The following CNTN5 variants were observed in gnomAD, a reference collection of about 807,000 sequenced individuals.
The protein encoded by CNTN5 is contactin-5.
In CNTN5, 77 loss-of-function variants were observed where a neutral mutation model predicts 129.1. That is an observed-to-expected ratio of 0.60 (90% CI 0.50 to 0.72). CNTN5 has a LOEUF of 0.72. Ranked by LOEUF, CNTN5 falls within the 30% of genes least tolerant of loss-of-function variation. The probability of loss-of-function intolerance (pLI) is 0.00; values close to 1 mark genes in which losing one functional copy is unlikely to be tolerated. For synonymous variants in CNTN5, 509 were observed against 465.6 expected (o/e 1.09, Z -1.20); for missense variants, 1,478 against 1,328.8 (o/e 1.11, Z -1.75).
intron 24 of CNTN5, among the ~76,000 whole-genome samples, chr11:100,354,368 ATCAG>A (rs941166821): frequency 1.3e-5 from 2 of 151,570 alleles, no homozygotes; most frequent in African/African-American, 4.8e-5. Flanking sequence ...TCAACCTTGG[ATCAG>A]TCAGTTTAAT....
intron 16 of CNTN5, among the ~76,000 whole-genome samples, chr11:100,234,465 TA>T (rs916516805): frequency 2.6e-5 from 4 of 151,818 alleles, no homozygotes; most frequent in Non-Finnish European, 5.9e-5. Context: ...TATACAGCCG[TA>T]AAAAAAGATG....
chr11:99,351,025 G>A (rs1280634280), intron 2 of CNTN5, among the ~76,000 whole-genome samples: 1 of 152,004 alleles, frequency 6.6e-6, no homozygotes, highest in Non-Finnish European at 1.5e-5. Context: ...TGTGGGGGTG[G>A]GGGCCTAGGG....
At chr11:99,180,487 A>G (rs1015832794) in intron 1 of CNTN5, among the ~76,000 whole-genome samples, 1 of 152,196 alleles carries the variant, frequency 6.6e-6, no homozygotes, top group Non-Finnish European at 1.5e-5. Context: ...AAGGAACACA[A>G]AAAGGTCAAC....
At chr11:99,107,205 A>G (rs983220071) in intron 1 of CNTN5, among the ~76,000 whole-genome samples, 2 of 152,192 alleles carry the variant, frequency 1.3e-5, no homozygotes, top group African/African-American at 4.8e-5. Context: ...GAAGAGAAAT[A>G]TGTTACAACC....
intron 13 of CNTN5, among the ~76,000 whole-genome samples, chr11:100,135,133 C>A (rs1451036943): frequency 6.6e-6 from 1 of 150,502 alleles, no homozygotes; most frequent in African/African-American, 2.4e-5. Context: ...CATTTACATT[C>A]CTGTTTGGAT....
At chr11:99,321,761 C>T (rs992677286) in intron 1 of CNTN5, among the ~76,000 whole-genome samples, 4 of 152,128 alleles carry the variant, frequency 2.6e-5, no homozygotes, top group African/African-American at 9.7e-5. Flanking sequence ...AGTGGGTGAT[C>T]TCAGTGTAGC....
intron 3 of CNTN5, among the ~76,000 whole-genome samples, chr11:99,567,096 T>C (rs1178790718): frequency 6.6e-6 from 1 of 152,172 alleles, no homozygotes; most frequent in East Asian, 1.9e-4. Context: ...GTAAAGTATT[T>C]TTTTCTTCTC....
intron 3 of CNTN5, among the ~76,000 whole-genome samples, chr11:99,565,222 C>T (rs552683325): frequency 2.0e-5 from 3 of 152,228 alleles, no homozygotes; most frequent in South Asian, 4.1e-4. Flanking sequence ...CCACCTTTCC[C>T]TTGTTTCTCT....
intron 13 of CNTN5, among the ~76,000 whole-genome samples, chr11:100,162,039 A>G (rs1236549876): frequency 3.3e-5 from 5 of 151,732 alleles, no homozygotes; most frequent in Non-Finnish European, 7.4e-5. Flanking sequence ...AGCAGGAGAC[A>G]GCCATTCATT....
intron 21 of CNTN5, among the ~76,000 whole-genome samples, chr11:100,327,719 G>A (rs539285221): frequency 5.7e-4 from 86 of 152,082 alleles, no homozygotes; most frequent in Non-Finnish European, 1.1e-3. Flanking sequence ...AAATAACACT[G>A]AGTCAAAAAA....
intron 8 of CNTN5, among the ~76,000 whole-genome samples, chr11:99,962,109 T>C (rs1310589189): frequency 1.4e-5 from 2 of 142,126 alleles, no homozygotes; most frequent in African/African-American, 5.6e-5. Flanking sequence ...ACTTGAAACA[T>C]AAAATTACTC....
chr11:99,136,051 T>C (rs1183058489), intron 1 of CNTN5, among the ~76,000 whole-genome samples: 1 of 152,186 alleles, frequency 6.6e-6, no homozygotes, highest in Non-Finnish European at 1.5e-5. Flanking sequence ...ATAAACACTT[T>C]AAGTTCCTAT....
At chr11:99,957,937 A>T (rs937708221) in intron 8 of CNTN5, among the ~76,000 whole-genome samples, 8 of 151,974 alleles carry the variant, frequency 5.3e-5, no homozygotes, top group African/African-American at 1.9e-4. Flanking sequence ...AAACAAGTCT[A>T]TGAAACTTCA....
At chr11:99,673,730 G>C (rs1953148819) in intron 3 of CNTN5, among the ~76,000 whole-genome samples, 2 of 149,176 alleles carry the variant, frequency 1.3e-5, no homozygotes, top group South Asian at 4.4e-4. Flanking sequence ...GTTTGCTAAG[G>C]ATAAAGGCTT....
chr11:99,162,423 A>T (rs889728201), intron 1 of CNTN5, among the ~76,000 whole-genome samples: 1 of 152,184 alleles, frequency 6.6e-6, no homozygotes. Context: ...CCTAAGCATG[A>T]AATTAAGCAT....
At position 99,062,695 on chromosome 11, in the gene CNTN5, T is replaced by C. The variant is rs573448157; in HGVS notation, c.-210+41425T>C. On this transcript the variant is annotated intron_variant, in intron 1 of 24. Coordinates refer to ENST00000524871, the MANE Select transcript of CNTN5 (RefSeq NM_014361.4). ...AAGGGGGTACATTATCTGTAATGGA[T>C]TTTATAAACAATAATAAAATCACTT... 2.8e-4 allele frequency among the ~76,000 whole-genome samples: 42 copies of C among 152,136 alleles called. 1 individual carries two copies. Among genetic ancestry groups the C allele is most frequent in the African/African-American group, 7.2e-4 (30 of 41,524 alleles).
chr11:99,958,187 C>T (rs887508331), intron 8 of CNTN5, among the ~76,000 whole-genome samples: 2 of 152,084 alleles, frequency 1.3e-5, no homozygotes, highest in Non-Finnish European at 2.9e-5. Flanking sequence ...TCAGGGGCTA[C>T]AAAAACTAAT....
At position 99,221,330 on chromosome 11, in the gene CNTN5, G is replaced by A. The variant is rs1471324; in HGVS notation, c.-209-104016G>A. 3.1e-3 allele frequency among the ~76,000 whole-genome samples: 468 copies of A among 152,008 alleles called. 1 individual carries two copies. The highest frequency in any genetic ancestry group is 0.011 in the African/African-American group (462 of 41,518). ...AATTGGATTTTCTCAGGCTATCTCA[G>A]AGACACAGGTAACAGATGAAAAATT... On this transcript the variant is annotated intron_variant, in intron 1 of 24. Coordinates refer to ENST00000524871, the MANE Select transcript of CNTN5 (RefSeq NM_014361.4).
intron 1 of CNTN5, among the ~76,000 whole-genome samples, chr11:99,243,731 T>A (rs1861678378): frequency 6.9e-6 from 1 of 144,310 alleles, no homozygotes; most frequent in African/African-American, 2.5e-5. Flanking sequence ...CTTTCCCTAT[T>A]GCTTATTTTT....
Sources: gnomAD v4.1 joint callset for allele counts (sites outside exome capture counted in the v4.1 genomes callset) on GRCh38, gnomAD v4.1.1 for gene constraint, MANE v1.5 for transcripts, NCBI Gene and HGNC (gene_info 2026-07-23, HGNC 2026-07-21) for gene names.